The following MTMR9 variants were observed in gnomAD, a reference collection of about 807,000 sequenced individuals.
MTMR9 encodes myotubularin related protein 9.
Under a neutral mutation model 69.5 loss-of-function variants are expected in MTMR9, and 39 were observed. That is an observed-to-expected ratio of 0.56 (90% CI 0.43 to 0.73). The LOEUF is 0.73. MTMR9 is among the 30% of genes least tolerant of loss of function. MTMR9 has a pLI of 0.00. For synonymous variants in MTMR9, 354 were observed against 240.8 expected (o/e 1.47, Z -4.35); for missense variants, 900 against 671.2 (o/e 1.34, Z -3.77).
rs897086034 is a variant in MTMR9, at chr8:11,314,919, T to G, written c.972-4T>G. ...TTTGTACTCTTCCCTGATTTTCCTA[T>G]CAGGGAAGGAGCATCAATATTGATT... On this transcript the variant is annotated splice_polypyrimidine_tract_variant and splice_region_variant and intron_variant, in intron 6 of 9. Transcript: ENST00000221086. The G allele has an allele frequency of 6.2e-7, 1 of 1,613,044 alleles. No homozygotes were observed. The highest frequency in any genetic ancestry group is 1.1e-5 in the South Asian group (1 of 91,036).
At chr8:11,286,510 C>CA (rs1261049615) in intron 1 of MTMR9, among the ~76,000 whole-genome samples, 2 of 151,402 alleles carry the variant, frequency 1.3e-5, no homozygotes, top group Non-Finnish European at 1.5e-5. Flanking sequence ...ACTAAAAATA[C>CA]AAAAAATTAA....
At chr8:11,335,387 G>T in the MTMR9 span, among the ~76,000 whole-genome samples, 1 of 152,246 alleles carries the variant, frequency 6.6e-6, no homozygotes, top group Admixed American at 6.5e-5. Flanking sequence ...CATGAAGAAA[G>T]CTACGAAGTT....
At chr8:11,295,078 G>A in intron 1 of MTMR9, 116 bp from the exon 2 acceptor site, 1 of 575,642 alleles carries the variant, frequency 1.7e-6, no homozygotes, top group South Asian at 2.6e-5. Flanking sequence ...TTAGACTGAG[G>A]AGAAGAAAGT....
At chr8:11,333,698 A>G in the MTMR9 span, among the ~76,000 whole-genome samples, 1 of 152,224 alleles carries the variant, frequency 6.6e-6, no homozygotes, top group African/African-American at 2.4e-5. Flanking sequence ...TTATAAATCT[A>G]TGTTAGGGAG....
rs1799477425 is a variant in MTMR9 at position 11,294,472 on chromosome 8, G to C, written c.183-722G>C. Among the ~76,000 whole-genome samples the C allele has an allele frequency of 2.1e-5, 3 of 144,072 alleles. No homozygotes were observed. In the South Asian group the frequency reaches 6.6e-4, roughly 32 times the overall value. The allele number at this position is 144,072 out of a possible 152,430, so 94.5% of individuals were successfully genotyped here. A position where few individuals can be genotyped will look rare whatever the true frequency, so the allele number is the denominator to read the frequency against. On this transcript the variant is annotated intron_variant, in intron 1 of 9. Transcript: ENST00000221086. Reference sequence around the variant, plus strand: ...TTTTTCATGTTTTTAAATCAGAAATGGATGTTAGATTTTGTCAAATACTTT... The same window carrying C: ...TTTTTCATGTTTTTAAATCAGAAATCGATGTTAGATTTTGTCAAATACTTT...
Position 11,322,628 on chromosome 8 carries a change from T to G in MTMR9, c.1490T>G (p.Ile497Ser). 6.2e-7 allele frequency: 1 copy of G among 1,613,178 alleles called. No homozygotes were observed. Among genetic ancestry groups the G allele is most frequent in the Non-Finnish European group, 8.5e-7 (1 of 1,179,546 alleles). ...TTTCCATTCCTGGATTCAATAGGTATTTTCCTACGTTGGAATAGATCCTCT... is the reference window on the plus strand; with the variant it reads ...TTTCCATTCCTGGATTCAATAGGTAGTTTCCTACGTTGGAATAGATCCTCT... ...APQSLPLWEG[I>S]FLRWNRSSKY... Residue 497 changes from isoleucine to serine, a missense_variant, in exon 10 of 10, where the codon ATT becomes AGT. Ile to Ser is a moderately radical substitution (Grantham distance 142). Coordinates refer to ENST00000221086, the MANE Select transcript of MTMR9 (RefSeq NM_015458.4).
intron 2 of MTMR9, among the ~76,000 whole-genome samples, chr8:11,296,867 C>A (rs974035094): frequency 6.6e-6 from 1 of 151,534 alleles, no homozygotes; most frequent in Non-Finnish European, 1.5e-5. Context: ...TAGCTTAAGA[C>A]AGGGTGTGTT....
At chr8:11,328,349 G>GTA (rs1232289380), downstream of MTMR9, among the ~76,000 whole-genome samples, 1 of 145,590 alleles carries the variant, frequency 6.9e-6, no homozygotes, top group Non-Finnish European at 1.5e-5. Flanking sequence ...TACCACGTGT[G>GTA]TGTGTGTGTG....
At chr8:11,294,037 A>G (rs1172184017) in intron 1 of MTMR9, among the ~76,000 whole-genome samples, 1 of 151,092 alleles carries the variant, frequency 6.6e-6, no homozygotes, top group East Asian at 1.9e-4. Flanking sequence ...TTGCATTTCC[A>G]TATGAATTTT....
At chr8:11,321,359 T>C (rs1252393633) in intron 9 of MTMR9, 1 of 455,368 alleles carries the variant, frequency 2.2e-6, no homozygotes, top group African/African-American at 2.0e-5. Flanking sequence ...GTATTCTTCC[T>C]GTTTAGGACT....
intron 9 of MTMR9, chr8:11,320,841 A>C (rs561233982): frequency 6.6e-6 from 1 of 152,290 alleles, no homozygotes; most frequent in Non-Finnish European, 1.5e-5. Flanking sequence ...TTTTGAAGAT[A>C]ATAAGCACAC....
the MTMR9 span, among the ~76,000 whole-genome samples, chr8:11,339,111 G>A: frequency 6.6e-6 from 1 of 152,210 alleles, no homozygotes; most frequent in Non-Finnish European, 1.5e-5. Flanking sequence ...ATGCAGGGGT[G>A]TCAATCCCCT....
chr8:11,292,225 A>T (rs1367804099), intron 1 of MTMR9, among the ~76,000 whole-genome samples: 1 of 152,178 alleles, frequency 6.6e-6, no homozygotes, highest in Non-Finnish European at 1.5e-5. Flanking sequence ...TAGTTCATTT[A>T]TTCACCTGGT....
intron 6 of MTMR9, among the ~76,000 whole-genome samples, chr8:11,310,863 C>G (rs755441456): frequency 2.6e-5 from 4 of 152,110 alleles, no homozygotes; most frequent in African/African-American, 9.7e-5. Context: ...TAAGACATCC[C>G]TCAGTGCAGA....
At position 11,304,955 on chromosome 8, in the gene MTMR9, A is replaced by G; in HGVS notation, c.532A>G (p.Thr178Ala). ...IDDEALRKVA[T>A]FRHGGRFPVL... The stretch of plus-strand genomic sequence containing the variant: ...TGATGAAGCTCTTCGGAAGGTAGCT[A>G]CATTTCGACATGGAGGGCGCTTCCC... The change falls in exon 4 of 10, where the codon ACA (threonine) becomes GCA (alanine). Residue 178 changes from threonine to alanine, a missense_variant. Coordinates refer to ENST00000221086, the MANE Select transcript of MTMR9 (RefSeq NM_015458.4). The G allele has an allele frequency of 6.2e-7, 1 of 1,614,114 alleles. No homozygotes were observed. Among genetic ancestry groups the G allele is most frequent in the Non-Finnish European group, 8.5e-7 (1 of 1,179,980 alleles).
At chr8:11,309,001 A>C (rs531425580) in intron 5 of MTMR9, among the ~76,000 whole-genome samples, 2 of 152,268 alleles carry the variant, frequency 1.3e-5, no homozygotes, top group South Asian at 4.1e-4. Flanking sequence ...TTAGAGATTT[A>C]ATTTCTCCCC....
At chr8:11,334,643 C>A in the MTMR9 span, among the ~76,000 whole-genome samples, 1 of 151,950 alleles carries the variant, frequency 6.6e-6, no homozygotes, top group Non-Finnish European at 1.5e-5. Flanking sequence ...AAAGAAGTAA[C>A]AAAACAGCAG....
At chr8:11,319,912 G>T in intron 9 of MTMR9, 74 bp downstream of exon 9, 2 of 1,493,900 alleles carry the variant, frequency 1.3e-6, no homozygotes, top group Non-Finnish European at 1.8e-6. Context: ...TGTGCTGTTG[G>T]TGATGTATGA....
Position 11,323,570 on chromosome 8 carries a change from G to A in MTMR9, c.*782G>A, listed in dbSNP as rs1224573673. On this transcript the variant is annotated 3_prime_UTR_variant, in exon 10 of 10. Coordinates refer to ENST00000221086, the MANE Select transcript of MTMR9 (RefSeq NM_015458.4). ...GGTTTTGAGCATACATATACAATGT[G>A]TTTCAAATGCTGCTTGTAAAATTAA... The A allele has an allele frequency of 1.3e-5, 2 of 152,192 alleles. No homozygotes were observed. The highest frequency in any genetic ancestry group is 2.9e-5 in the Non-Finnish European group (2 of 68,034). The allele number at this position is 152,192 out of a possible 1,614,324, so 9.4% of individuals were successfully genotyped here.
Sources: allele counts gnomAD v4.1 joint callset (sites outside exome capture counted in the v4.1 genomes callset), GRCh38; gene constraint gnomAD v4.1.1; transcripts MANE v1.5; gene names NCBI Gene and HGNC (gene_info 2026-07-23, HGNC 2026-07-21).